Variants in GAREM1 observed in about 807,000 individuals in gnomAD.
GAREM1 encodes the protein GRB2-associated and regulator of MAPK protein 1.
In GAREM1, 26 loss-of-function variants were observed where a neutral mutation model predicts 71.3. The observed-to-expected ratio is 0.36, with a 90% CI of 0.27 to 0.51. The LOEUF (loss-of-function observed/expected upper bound fraction) is 0.51, where lower values mean the gene tolerates loss of function less well. Among genes scored for constraint, GAREM1 ranks in the 20% least tolerant of loss-of-function variants. The probability of loss-of-function intolerance (pLI) is 0.95; values close to 1 mark genes in which losing one functional copy is unlikely to be tolerated. For synonymous variants in GAREM1, 440 were observed against 433.2 expected (o/e 1.02, Z -0.20); for missense variants, 1,026 against 1,103.1 (o/e 0.93, Z 0.99).
At chr18:32,290,358 C>T (rs2047068753) in intron 3 of GAREM1, 2 of 151,952 alleles carry the variant, frequency 1.3e-5, no homozygotes, top group Admixed American at 1.3e-4. Context: ...AGTCAAATGA[C>T]AGACTGAAGA....
chr18:32,458,164 A>C (rs1034601347), intron 1 of GAREM1, among the ~76,000 whole-genome samples: 2 of 152,114 alleles, frequency 1.3e-5, no homozygotes, highest in South Asian at 2.1e-4. Flanking sequence ...AAAATAATTA[A>C]ATATTTTTAC....
At chr18:32,297,332 G>A (rs1004272741) in intron 3 of GAREM1, among the ~76,000 whole-genome samples, 15 of 152,102 alleles carry the variant, frequency 9.9e-5, no homozygotes, top group Admixed American at 4.6e-4. Context: ...TTGAGCCTTA[G>A]GTTCCTCACC....
intron 4 of GAREM1, among the ~76,000 whole-genome samples, chr18:32,284,309 C>T (rs1042128929): frequency 4.6e-5 from 7 of 152,152 alleles, no homozygotes; most frequent in Admixed American, 6.5e-5. Context: ...ACACTGGACA[C>T]GCTCTGAAAA....
chr18:32,396,561 T>C (rs2048258498), intron 1 of GAREM1, among the ~76,000 whole-genome samples: 1 of 152,174 alleles, frequency 6.6e-6, no homozygotes, highest in Middle Eastern at 3.4e-3. Context: ...TATCAGTGAT[T>C]GAAGATCAAA....
chr18:32,324,680 A>C (rs1300889513), intron 2 of GAREM1, among the ~76,000 whole-genome samples: 1 of 152,236 alleles, frequency 6.6e-6, no homozygotes, highest in Non-Finnish European at 1.5e-5. Flanking sequence ...AAAGACACAA[A>C]GTAAAATAAA....
chr18:32,310,092 C>T, intron 3 of GAREM1, 101 bp downstream of exon 3: 3 of 1,331,824 alleles, frequency 2.3e-6, no homozygotes, highest in Non-Finnish European at 2.1e-6. Flanking sequence ...AAGATAAAAC[C>T]CTCCTAGGAG....
rs139609829 is a variant in GAREM1, at chr18:32,459,593, G to A, written c.121+10715C>T. On this transcript the variant is annotated intron_variant, in intron 1 of 5. Transcript: ENST00000269209. ...CTCTCTCACGCTCTGTCTCTCTCTC[G>A]AAACAACCAATTAAATAGTTTTTAA... Among the ~76,000 whole-genome samples, 675 of 152,076 alleles carry A rather than the reference G, an allele frequency of 4.4e-3. 7 individuals are homozygous for A. Among genetic ancestry groups the A allele is most frequent in the African/African-American group, 0.016 (646 of 41,500 alleles).
chr18:32,334,232 C>T (rs188558213), intron 2 of GAREM1, among the ~76,000 whole-genome samples: 6 of 152,118 alleles, frequency 3.9e-5, no homozygotes, highest in East Asian at 1.9e-4. Flanking sequence ...AATCACACCC[C>T]GAGGGGGGCA....
chr18:32,287,495 C>T lies in GAREM1; in HGVS notation c.1102G>A (p.Val368Met), dbSNP rs779448529. 1.3e-5 allele frequency: 21 copies of T among 1,614,038 alleles called. No individual in the cohort carries two copies. Among genetic ancestry groups the T allele is most frequent in the South Asian group, 5.5e-5 (5 of 91,074 alleles). ...KKGRCSGHNH[V>M]PNSLSYARDE... ...CGGGCGTAGCTGAGCGAATTGGGCA[C>T]GTGGTTGTGGCCAGAGCACCGACCC... is the stretch of plus-strand genomic sequence containing the variant. The change falls in exon 4 of 6, where the codon GTG becomes ATG. Residue 368 changes from valine to methionine, a missense_variant. This residue lies in a region of GAREM1 where 636 missense variants were observed against 631.2 expected (regional missense o/e 1.01). Coordinates refer to ENST00000269209, the MANE Select transcript of GAREM1 (RefSeq NM_001242409.2). The surrounding 1 kb of genome is among the most constrained non-coding windows in gnomAD (Gnocchi z 5.9).
At chr18:32,421,625 G>A (rs1346226152) in intron 1 of GAREM1, among the ~76,000 whole-genome samples, 1 of 151,878 alleles carries the variant, frequency 6.6e-6, no homozygotes, top group Admixed American at 6.6e-5. Flanking sequence ...ATCAAAAAAA[G>A]GTGCACAGAT....
chr18:32,441,384 TAATC>T (rs921912687), intron 1 of GAREM1, among the ~76,000 whole-genome samples: 2 of 152,000 alleles, frequency 1.3e-5, no homozygotes, highest in Non-Finnish European at 2.9e-5. Flanking sequence ...GAGGACTAAA[TAATC>T]CATCTAAAGA....
chr18:32,341,621 T>C (rs937171146), intron 2 of GAREM1, among the ~76,000 whole-genome samples: 1 of 152,228 alleles, frequency 6.6e-6, no homozygotes, highest in Non-Finnish European at 1.5e-5. Flanking sequence ...GTTGATATTT[T>C]TCTTTAAAGC....
chr18:32,451,639 T>C (rs1434470189), intron 1 of GAREM1, among the ~76,000 whole-genome samples: 2 of 152,216 alleles, frequency 1.3e-5, no homozygotes, highest in Non-Finnish European at 2.9e-5. Context: ...GCCCTCTTTC[T>C]CTTTGATTAT....
chr18:32,317,952 A>G (rs1355356568), intron 2 of GAREM1, among the ~76,000 whole-genome samples: 1 of 152,192 alleles, frequency 6.6e-6, no homozygotes, highest in Non-Finnish European at 1.5e-5. Context: ...CACGAATAAC[A>G]GAGTCTTTGT....
chr18:32,281,181 A>G (rs77589210), intron 4 of GAREM1, among the ~76,000 whole-genome samples: 2,690 of 152,340 alleles, frequency 0.018, 87 homozygotes, highest in African/African-American at 0.06. Flanking sequence ...AAGTGGTAGC[A>G]TGAGGATTGA....
intron 2 of GAREM1, among the ~76,000 whole-genome samples, chr18:32,317,168 G>A (rs2047386697): frequency 1.3e-5 from 2 of 152,156 alleles, no homozygotes; most frequent in Admixed American, 6.5e-5. Flanking sequence ...ACTTTGGCAG[G>A]CCGAAGTGGA....
rs566170749 is a variant in GAREM1 at position 32,280,468 on chromosome 18, AC to A, written c.1566+6562del. On this transcript the variant is annotated intron_variant, in intron 4 of 5. Transcript: ENST00000269209. ...TTTCTGTGTTGGTTTGCCCGGGAAT[AC>A]CAGTTTCTTGACACTTGTTCACAGC... is the stretch of plus-strand genomic sequence containing the variant. 2.6e-3 allele frequency among the ~76,000 whole-genome samples: 402 copies of A among 152,246 alleles called. 2 individuals are homozygous for A. Among genetic ancestry groups the A allele is most frequent in the Middle Eastern group, 0.014 (4 of 294 alleles).
intron 4 of GAREM1, among the ~76,000 whole-genome samples, chr18:32,281,106 T>C (rs2046946844): frequency 6.6e-6 from 1 of 152,170 alleles, no homozygotes; most frequent in Non-Finnish European, 1.5e-5. Context: ...GCAGTGAAGA[T>C]GTTATTATCC....
chr18:32,432,345 C>T (rs1362936013), intron 1 of GAREM1, among the ~76,000 whole-genome samples: 1 of 151,900 alleles, frequency 6.6e-6, no homozygotes, highest in Non-Finnish European at 1.5e-5. Flanking sequence ...TAAACTTCCA[C>T]TTTAAGCAAC....
Sources: allele counts gnomAD v4.1 joint callset (sites outside exome capture counted in the v4.1 genomes callset), GRCh38; gene constraint gnomAD v4.1.1; regional missense constraint gnomAD v4.1.1; non-coding constraint Gnocchi (gnomAD v3.1); transcripts MANE v1.5; gene names NCBI Gene and HGNC (gene_info 2026-07-23, HGNC 2026-07-21).